LMO1: variants seen among roughly 807,000 people sequenced by gnomAD.
LMO1 encodes LIM domain only 1, also known as rhombotin-1.
In LMO1, 10 loss-of-function variants were observed where a neutral mutation model predicts 18.0. The ratio of observed to expected loss-of-function variants is 0.55; its 90% confidence interval spans 0.34 to 0.94. LMO1 has a LOEUF of 0.94. LMO1 is among the 40% of genes least tolerant of loss of function. LMO1 has a pLI of 0.02. For synonymous variants in LMO1, 77 were observed against 77.9 expected, an observed-to-expected ratio of 0.99 and a Z score of 0.06; for missense variants, 183 against 205.7, an observed-to-expected ratio of 0.89 and a Z score of 0.68.
At chr11:8,257,923 C>G (rs1403685589) in intron 1 of LMO1, among the ~76,000 whole-genome samples, 1 of 152,248 alleles carries the variant, frequency 6.6e-6, no homozygotes, top group East Asian at 1.9e-4. Context: ...TTGCTCCACA[C>G]AGCCATGAGG....
rs947655890 is a variant in LMO1 at position 8,263,484 on chromosome 11, C to T, written c.-122G>A. ...AGCGGGCTCTAATTACCCGCTTGTC[C>T]GGCTCTTAACCTAGATTGCACTCAG... On this transcript the variant is annotated 5_prime_UTR_variant, in exon 1 of 4. Transcript: ENST00000335790. The T allele has an allele frequency of 1.1e-5, 17 of 1,509,838 alleles. No individual in the cohort carries two copies. Among genetic ancestry groups the T allele is most frequent in the African/African-American group, 1.4e-5 (1 of 70,600 alleles). The allele number at this position is 1,509,838 out of a possible 1,614,324, so 93.5% of individuals were successfully genotyped here.
At position 8,250,689 on chromosome 11, in the gene LMO1, A is replaced by G. The variant is rs144836451; in HGVS notation, c.25+12649T>C. Among the ~76,000 whole-genome samples, 32 of 152,392 alleles carry G rather than the reference A, an allele frequency of 2.1e-4. No homozygotes were observed. In the East Asian group the frequency reaches 6.0e-3, roughly 28 times the overall value. On this transcript the variant is annotated intron_variant, in intron 1 of 3. Transcript: ENST00000335790. ...GCCTGGAAGAGACAGCCTCTGACTG[A>G]CAGGCAAAGAGCTGGGGTGCAGCCC...
At chr11:8,241,512 C>A (rs1263362601) in intron 1 of LMO1, among the ~76,000 whole-genome samples, 2 of 152,174 alleles carry the variant, frequency 1.3e-5, no homozygotes, top group Non-Finnish European at 2.9e-5. Context: ...TGTCTGCCTT[C>A]CCCTCCCACA....
chr11:8,264,562 G>A (rs1378626864), upstream of LMO1, among the ~76,000 whole-genome samples: 1 of 152,102 alleles, frequency 6.6e-6, no homozygotes, highest in Non-Finnish European at 1.5e-5. Flanking sequence ...TGGGGCTGAT[G>A]TTCTGGCTGC....
At chr11:8,254,552 AG>A (rs1235357587) in intron 1 of LMO1, among the ~76,000 whole-genome samples, 7 of 152,240 alleles carry the variant, frequency 4.6e-5, no homozygotes, top group Non-Finnish European at 8.8e-5. Flanking sequence ...CAAGCCGTCT[AG>A]TGGCTTTGCA....
chr11:8,240,421 G>T (rs535070918), intron 1 of LMO1, among the ~76,000 whole-genome samples: 12 of 152,320 alleles, frequency 7.9e-5, no homozygotes, highest in African/African-American at 2.9e-4. Flanking sequence ...AGCTGACTCT[G>T]GTTTGGGGCA....
At chr11:8,227,905 C>A (rs1952577198) in intron 2 of LMO1, among the ~76,000 whole-genome samples, 1 of 152,204 alleles carries the variant, frequency 6.6e-6, no homozygotes, top group Non-Finnish European at 1.5e-5. Flanking sequence ...CTGGCCTCAA[C>A]TGATCCTCCT....
chr11:8,252,040 G>A (rs1202127093), intron 1 of LMO1, among the ~76,000 whole-genome samples: 9 of 152,058 alleles, frequency 5.9e-5, no homozygotes, highest in African/African-American at 2.2e-4. Context: ...GCATGTGTGT[G>A]TGTCCACACA....
chr11:8,268,768 C>G (rs373225518), upstream of LMO1: 3 of 199,926 alleles, frequency 1.5e-5, no homozygotes, highest in Non-Finnish European at 3.0e-5. Flanking sequence ...CCGCGCCGGC[C>G]GTACTCGCCT....
At chr11:8,240,307 A>G (rs1264510444) in intron 1 of LMO1, among the ~76,000 whole-genome samples, 2 of 152,216 alleles carry the variant, frequency 1.3e-5, no homozygotes, top group Non-Finnish European at 2.9e-5. Context: ...TTGGTGAAGA[A>G]TAACCTATCC....
intron 1 of LMO1, among the ~76,000 whole-genome samples, chr11:8,258,220 TC>T (rs1195374731): frequency 6.6e-6 from 1 of 152,204 alleles, no homozygotes; most frequent in Non-Finnish European, 1.5e-5. Flanking sequence ...CTTCTCAATG[TC>T]CCTGATCAGG....
Position 8,263,493 on chromosome 11 carries a change from A to G in LMO1, c.-131T>C. 2.0e-6 allele frequency: 3 copies of G among 1,484,612 alleles called. No individual in the cohort carries two copies. Among genetic ancestry groups the G allele is most frequent in the African/African-American group, 1.4e-5 (1 of 69,570 alleles). The allele number at this position is 1,484,612 out of a possible 1,614,324, so 92.0% of individuals were successfully genotyped here. A position where few individuals can be genotyped will look rare whatever the true frequency, so the allele number is the denominator to read the frequency against. ...TAATTACCCGCTTGTCCGGCTCTTA[A>G]CCTAGATTGCACTCAGCTAGAATTA... On this transcript the variant is annotated 5_prime_UTR_variant, in exon 1 of 4. Transcript: ENST00000335790.
chr11:8,258,598 C>A (rs1847136373), intron 1 of LMO1, among the ~76,000 whole-genome samples: 1 of 152,188 alleles, frequency 6.6e-6, no homozygotes, highest in African/African-American at 2.4e-5. Flanking sequence ...TCCTCTTGGT[C>A]CTGCCCACAA....
At chr11:8,231,409 C>A (rs1472106253) in intron 1 of LMO1, among the ~76,000 whole-genome samples, 2 of 152,242 alleles carry the variant, frequency 1.3e-5, no homozygotes, top group Admixed American at 1.3e-4. Flanking sequence ...CATGAAGTGA[C>A]AGAGGCACGG....
At chr11:8,239,367 T>C (rs12295662) in intron 1 of LMO1, among the ~76,000 whole-genome samples, 12,163 of 152,268 alleles carry the variant, frequency 0.08, 524 homozygotes, top group Middle Eastern at 0.11. Flanking sequence ...TCAAATGCTA[T>C]GACTGCTGTG....
intron 1 of LMO1, among the ~76,000 whole-genome samples, chr11:8,247,892 G>A (rs1307658755): frequency 6.6e-6 from 1 of 152,236 alleles, no homozygotes; most frequent in Non-Finnish European, 1.5e-5. Flanking sequence ...CATGTTGCAA[G>A]TACCTTCCCT....
chr11:8,254,019 T>G (rs1440557296), intron 1 of LMO1, among the ~76,000 whole-genome samples: 4 of 152,178 alleles, frequency 2.6e-5, no homozygotes, highest in Non-Finnish European at 2.9e-5. Context: ...CATTTCAATA[T>G]TTGAAACCAG....
intron 1 of LMO1, among the ~76,000 whole-genome samples, chr11:8,248,206 G>T (rs146153326): frequency 0.017 from 2,515 of 152,328 alleles, 29 homozygotes; most frequent in Middle Eastern, 0.024. Context: ...CCCTCATGCC[G>T]CTGCCGTCAA....
chr11:8,224,506 G>C lies in LMO1; in HGVS notation c.*110C>G. 1.5e-6 allele frequency: 1 copy of C among 673,692 alleles called. No homozygotes were observed. Among genetic ancestry groups the C allele is most frequent in the Non-Finnish European group, 2.6e-6 (1 of 377,960 alleles). 41.7% of individuals were successfully genotyped at this position (673,692 alleles called of 1,614,324 possible). The stretch of plus-strand genomic sequence containing the variant: ...ATCGAGGACGGAGAAGTTCTAATGT[G>C]GCAGGAGAGCGGCTGGCCAGCCTGC... On this transcript the variant is annotated 3_prime_UTR_variant, in exon 4 of 4. Transcript: ENST00000335790.
Sources: gnomAD v4.1 joint callset for allele counts (sites outside exome capture counted in the v4.1 genomes callset) on GRCh38, gnomAD v4.1.1 for gene constraint, MANE v1.5 for transcripts, NCBI Gene and HGNC (gene_info 2026-07-23, HGNC 2026-07-21) for gene names.